The following SMPDL3A variants were observed in gnomAD, a reference collection of about 807,000 sequenced individuals.
SMPDL3A encodes sphingomyelin phosphodiesterase acid like 3A, also known as cyclic GMP-AMP phosphodiesterase SMPDL3A.
A neutral mutation model predicts 38.5 loss-of-function variants in SMPDL3A; 39 were observed. The ratio of observed to expected loss-of-function variants is 1.01; its 90% CI spans 0.78 to 1.32. The LOEUF is 1.32. Ranked by LOEUF, SMPDL3A falls within the 40% of genes most tolerant of loss-of-function variation. The probability of loss-of-function intolerance (pLI) is 0.00; values close to 1 mark genes in which losing one functional copy is unlikely to be tolerated. For synonymous variants in SMPDL3A, 180 were observed against 194.3 expected (o/e 0.93, Z 0.61); for missense variants, 502 against 536.2 (o/e 0.94, Z 0.63).
At chr6:122,798,961 G>A (rs1413225170) in intron 3 of SMPDL3A, among the ~76,000 whole-genome samples, 2 of 151,834 alleles carry the variant, frequency 1.3e-5, no homozygotes, top group Admixed American at 6.6e-5. Context: ...TCACAGTTTC[G>A]GAAATGTCAA....
chr6:122,789,603 C>A, intron 1 of SMPDL3A, 145 bp downstream of exon 1: 1 of 844,976 alleles, frequency 1.2e-6, no homozygotes, highest in Non-Finnish European at 1.8e-6. Context: ...CGGCGTTGAC[C>A]ACGGCTGGTG....
At chr6:122,795,924 ATATT>A (rs1562348991) in intron 2 of SMPDL3A, 34 bp downstream of exon 2, 1 of 1,439,544 alleles carries the variant, frequency 6.9e-7, no homozygotes, top group Non-Finnish European at 9.7e-7. Flanking sequence ...TAATTACTCA[ATATT>A]TATTTACAGT....
In SMPDL3A at chr6:122,791,205, C is replaced by CT. The variant is rs1781065053; in HGVS notation, c.112+1748dup. On this transcript the variant is annotated intron_variant, in intron 1 of 7. Transcript: ENST00000368440. ...AAATTCCCAGTCTTAGTTTTCTGCC[C>CT]TGTCAAGTCCTGGTGGTCGGACGAC... Among the ~76,000 whole-genome samples the CT allele has an allele frequency of 2.0e-5, 3 of 152,296 alleles. No homozygotes were observed. The South Asian group carries it at 6.2e-4, about 32-fold the overall frequency.
intron 1 of SMPDL3A, among the ~76,000 whole-genome samples, chr6:122,794,325 T>A (rs183115484): frequency 1.3e-5 from 2 of 152,134 alleles, no homozygotes; most frequent in Non-Finnish European, 1.5e-5. Flanking sequence ...TGGCCGGGTG[T>A]GGTGGCTCAC....
At chr6:122,793,658 ATACTACTACTTTCT>A (rs1781148456) in intron 1 of SMPDL3A, among the ~76,000 whole-genome samples, 1 of 152,230 alleles carries the variant, frequency 6.6e-6, no homozygotes, top group South Asian at 2.1e-4. Flanking sequence ...GTAATTGACC[ATACTACTACTTTCT>A]TCTGGATCTT....
intron 3 of SMPDL3A, among the ~76,000 whole-genome samples, chr6:122,800,734 T>TTTTG (rs1002560988): frequency 2.1e-5 from 3 of 143,266 alleles, no homozygotes; most frequent in Admixed American, 6.9e-5. Flanking sequence ...GCTACACCTT[T>TTTTG]TTTGTTTGTT....
rs1371827096 is a variant in SMPDL3A at position 122,789,461 on chromosome 6, G to T, written c.112+3G>T. ...CAGGAATCCTCCTCCGGCGATAGGTGAGTTGTCCGCGACCCTTCTCTTCCC... is the reference window on the plus strand; with the variant it reads ...CAGGAATCCTCCTCCGGCGATAGGTTAGTTGTCCGCGACCCTTCTCTTCCC... On this transcript the variant is annotated splice_donor_region_variant and intron_variant, in intron 1 of 7. Transcript: ENST00000368440. The T allele has an allele frequency of 3.9e-6, 6 of 1,547,192 alleles. No individual in the cohort carries two copies. Among genetic ancestry groups the T allele is most frequent in the African/African-American group, 1.4e-5 (1 of 72,944 alleles).
At chr6:122,808,979 C>T in intron 7 of SMPDL3A, 112 bp from the exon 8 acceptor site, 1 of 849,090 alleles carries the variant, frequency 1.2e-6, no homozygotes, top group Non-Finnish European at 1.9e-6. Context: ...CAGGCGTGAG[C>T]CACAGCGCCA....
At chr6:122,790,191 T>G (rs1781030964) in intron 1 of SMPDL3A, among the ~76,000 whole-genome samples, 1 of 152,168 alleles carries the variant, frequency 6.6e-6, no homozygotes, top group Admixed American at 6.5e-5. Flanking sequence ...CACTTAAAAT[T>G]GTTAGCATTG....
intron 7 of SMPDL3A, among the ~76,000 whole-genome samples, chr6:122,808,651 CT>C (rs767065298): frequency 0.2 from 17,883 of 88,404 alleles, 1,541 homozygotes; most frequent in South Asian, 0.35. Flanking sequence ...TCCCCCCCTC[CT>C]CCCCCCTCCC....
chr6:122,801,999 G>C (rs1328494419), intron 4 of SMPDL3A, among the ~76,000 whole-genome samples: 2 of 152,152 alleles, frequency 1.3e-5, no homozygotes, highest in African/African-American at 2.4e-5. Flanking sequence ...AGAATGTTGA[G>C]ACAAATATTA....
chr6:122,808,605 CCCTCCCTTCCTT>C (rs1195642166), intron 7 of SMPDL3A, among the ~76,000 whole-genome samples: 3,834 of 64,392 alleles, frequency 0.06, 99 homozygotes, highest in Middle Eastern at 0.097. Context: ...CTCCCTCCCT[CCCTCCCTTCCTT>C]CCTTCCTTCC....
intron 7 of SMPDL3A, 125 bp downstream of exon 7, chr6:122,806,482 C>A: frequency 1.0e-6 from 1 of 979,830 alleles, no homozygotes; most frequent in South Asian, 1.9e-5. Flanking sequence ...CTCCTGGCAT[C>A]CTTCTTCTTT....
At chr6:122,800,722 G>C (rs1273422212) in intron 3 of SMPDL3A, among the ~76,000 whole-genome samples, 1 of 73,678 alleles carries the variant, frequency 1.4e-5, no homozygotes, top group Non-Finnish European at 3.1e-5. Context: ...CTAATTCCCT[G>C]GGCTACACCT....
Position 122,809,119 on chromosome 6 carries a change from CA to C in SMPDL3A, c.1074del (p.Glu359ArgfsTer4), listed in dbSNP as rs1781764595. On this transcript the variant is annotated frameshift_variant, in exon 8 of 8. Coordinates refer to ENST00000368440, the MANE Select transcript of SMPDL3A (RefSeq NM_006714.5). LOFTEE classifies it low-confidence loss of function (END_TRUNC). ...LDMLQYYLNL[T>X]EANLKGESIW... Reference sequence around the variant, plus strand: ...ATGTTGCAGTATTACTTGAATCTGACAGAGGCGAATCTAAAGGGAGAGTCCA... The same window carrying C: ...ATGTTGCAGTATTACTTGAATCTGACGAGGCGAATCTAAAGGGAGAGTCCA... The C allele has an allele frequency of 6.2e-7, 1 of 1,613,926 alleles. No homozygotes were observed. The highest frequency in any genetic ancestry group is 8.5e-7 in the Non-Finnish European group (1 of 1,179,936).
intron 6 of SMPDL3A, among the ~76,000 whole-genome samples, chr6:122,805,294 C>G (rs1351935713): frequency 6.6e-6 from 1 of 152,200 alleles, no homozygotes; most frequent in Non-Finnish European, 1.5e-5. Context: ...TCAACGTAAG[C>G]TCCTATTAGC....
intron 1 of SMPDL3A, among the ~76,000 whole-genome samples, chr6:122,791,334 C>T (rs573720254): frequency 6.6e-6 from 1 of 152,246 alleles, no homozygotes; most frequent in East Asian, 1.9e-4. Flanking sequence ...AAACTAAATA[C>T]GGCCTGAGAA....
intron 5 of SMPDL3A, among the ~76,000 whole-genome samples, chr6:122,804,335 ACT>A (rs964295481): frequency 6.7e-6 from 1 of 150,058 alleles, no homozygotes; most frequent in Non-Finnish European, 1.5e-5. Flanking sequence ...CAGGGGTCTC[ACT>A]CTGTTGCCCA....
At position 122,808,605 on chromosome 6, in the gene SMPDL3A, C is replaced by CCTTCCTTCCTT. The variant is rs1562357673; in HGVS notation, c.1045-485_1045-484insTTCCTTCCTTC. 1.7e-3 allele frequency among the ~76,000 whole-genome samples: 112 copies of CCTTCCTTCCTT among 64,788 alleles called. No individual in the cohort carries two copies. The East Asian group carries it at 0.021, about 12-fold the overall frequency. 42.5% of individuals were successfully genotyped at this position (64,788 alleles called of 152,430 possible). On this transcript the variant is annotated intron_variant, in intron 7 of 7. Transcript: ENST00000368440. Reference sequence around the variant, plus strand: ...ATTGAGCCTCCCTTCCTCCCTCCCTCCCTCCCTTCCTTCCTTCCTTCCTTC... The same window carrying CCTTCCTTCCTT: ...ATTGAGCCTCCCTTCCTCCCTCCCTCCTTCCTTCCTTCCTCCCTTCCTTCCTTCCTTCCTTC...
Sources: gnomAD v4.1 joint callset for allele counts (sites outside exome capture counted in the v4.1 genomes callset) on GRCh38, gnomAD v4.1.1 for gene constraint, MANE v1.5 for transcripts, NCBI Gene and HGNC (gene_info 2026-07-23, HGNC 2026-07-21) for gene names.